Variants in ST6GALNAC3 observed in about 807,000 individuals in gnomAD.
ST6GALNAC3 encodes the protein alpha-N-acetylgalactosaminide alpha-2,6-sialyltransferase 3.
Under a neutral mutation model 32.7 loss-of-function variants are expected in ST6GALNAC3, and 25 were observed. That is an observed-to-expected ratio of 0.76 (90% CI 0.56 to 1.07). The LOEUF (loss-of-function observed/expected upper bound fraction) is 1.07. ST6GALNAC3 is among the 50% of genes least tolerant of loss of function. The pLI is 0.00. For synonymous variants in ST6GALNAC3, 129 were observed against 133.1 expected (o/e 0.97, Z 0.21); for missense variants, 355 against 382.4 (o/e 0.93, Z 0.60).
intron 2 of ST6GALNAC3, among the ~76,000 whole-genome samples, chr1:76,395,239 GT>G (rs1238677535): frequency 6.6e-6 from 1 of 152,136 alleles, no homozygotes; most frequent in African/African-American, 2.4e-5. Context: ...TAAGTGCCAT[GT>G]AATCAAACTG....
rs2101752420 is a variant in ST6GALNAC3 at position 76,509,874 on chromosome 1, A to C, written c.623+97457A>C. On this transcript the variant is annotated intron_variant, in intron 3 of 4. Coordinates refer to ENST00000328299, the MANE Select transcript of ST6GALNAC3 (RefSeq NM_152996.4). The surrounding 1 kb of genome is among the most constrained non-coding windows in gnomAD (Gnocchi z 5.5). ...GGGCCAGAATAATCCTTCAAATTCA[A>C]GATCCTTAATTTAATTGCACCTATG... Among the ~76,000 whole-genome samples, 1 of 152,324 alleles carries C rather than the reference A, an allele frequency of 6.6e-6. No individual in the cohort carries two copies. The highest frequency in any genetic ancestry group is 1.9e-4 in the East Asian group (1 of 5,184).
At chr1:76,241,136 T>G (rs1656937486) in intron 1 of ST6GALNAC3, among the ~76,000 whole-genome samples, 4 of 152,232 alleles carry the variant, frequency 2.6e-5, no homozygotes, top group Admixed American at 6.5e-5. Flanking sequence ...AATTTTAAAT[T>G]TGTAGAGTCT....
chr1:76,564,189 A>G (rs1375749980), intron 3 of ST6GALNAC3, among the ~76,000 whole-genome samples: 2 of 152,354 alleles, frequency 1.3e-5, no homozygotes, highest in Middle Eastern at 3.4e-3. Context: ...AACACAAAGC[A>G]GGTGAAGCTT....
chr1:76,268,365 C>T (rs553934381), intron 1 of ST6GALNAC3, among the ~76,000 whole-genome samples: 3 of 152,264 alleles, frequency 2.0e-5, no homozygotes, highest in Admixed American at 1.3e-4. Flanking sequence ...ATGCTTGATG[C>T]AGATTTAAGA....
intron 3 of ST6GALNAC3, among the ~76,000 whole-genome samples, chr1:76,533,684 T>C (rs926625424): frequency 4.6e-5 from 7 of 152,046 alleles, no homozygotes; most frequent in African/African-American, 1.7e-4. Flanking sequence ...TTCCCATTCC[T>C]CTCTCAGCCT....
intron 1 of ST6GALNAC3, among the ~76,000 whole-genome samples, chr1:76,205,778 G>A (rs1168942518): frequency 2.0e-5 from 3 of 152,168 alleles, no homozygotes; most frequent in African/African-American, 7.2e-5. Flanking sequence ...AATTGAGAAT[G>A]AATACCTGGC....
chr1:76,269,385 C>T (rs1240232886), intron 1 of ST6GALNAC3, among the ~76,000 whole-genome samples: 9 of 152,210 alleles, frequency 5.9e-5, no homozygotes, highest in Admixed American at 5.2e-4. Flanking sequence ...GAGGGCAGGG[C>T]TTATCTCTGC....
chr1:76,127,919 A>T (rs1370604781), intron 1 of ST6GALNAC3, among the ~76,000 whole-genome samples: 1 of 151,984 alleles, frequency 6.6e-6, no homozygotes, highest in East Asian at 1.9e-4. Flanking sequence ...GCCCTGCATG[A>T]CCCAGCTTCA....
intron 3 of ST6GALNAC3, among the ~76,000 whole-genome samples, chr1:76,544,734 G>A (rs1664188065): frequency 6.6e-6 from 1 of 152,084 alleles, no homozygotes; most frequent in East Asian, 1.9e-4. Flanking sequence ...GATTAGAGGA[G>A]GATTCTGACG....
chr1:76,323,035 A>C (rs1234807239), intron 2 of ST6GALNAC3, among the ~76,000 whole-genome samples: 2 of 152,104 alleles, frequency 1.3e-5, no homozygotes, highest in African/African-American at 2.4e-5. Flanking sequence ...TACAAAAATT[A>C]CCTCTAGAAA....
At chr1:76,486,326 T>G (rs1396325975) in intron 3 of ST6GALNAC3, among the ~76,000 whole-genome samples, 1 of 152,164 alleles carries the variant, frequency 6.6e-6, no homozygotes, top group Non-Finnish European at 1.5e-5. Flanking sequence ...CAGTGGGGTG[T>G]TAAAGTCTCC....
intron 3 of ST6GALNAC3, among the ~76,000 whole-genome samples, chr1:76,413,681 G>A (rs908751326): frequency 1.3e-5 from 2 of 152,120 alleles, no homozygotes; most frequent in East Asian, 3.9e-4. Flanking sequence ...TGAAATACTA[G>A]TTCCTCGGAC....
chr1:76,340,805 C>T lies in ST6GALNAC3; in HGVS notation c.213+26806C>T, dbSNP rs138808120. Among the ~76,000 whole-genome samples the T allele has an allele frequency of 6.0e-3, 919 of 152,036 alleles. 3 individuals are homozygous for T. The highest frequency in any genetic ancestry group is 0.021 in the African/African-American group (872 of 41,478). The stretch of plus-strand genomic sequence containing the variant: ...GCTGGGGTGGGGATTAGAGAAGACA[C>T]CTCTCAGAATCTAGAGCTGGCCCAT... On this transcript the variant is annotated intron_variant, in intron 2 of 4. Coordinates refer to ENST00000328299, the MANE Select transcript of ST6GALNAC3 (RefSeq NM_152996.4).
rs545502244 is a variant in ST6GALNAC3, at chr1:76,399,055, T to C, written c.214-12953T>C. Among the ~76,000 whole-genome samples, 160 of 152,310 alleles carry C rather than the reference T, an allele frequency of 1.1e-3. 1 individual carries two copies. Among genetic ancestry groups the C allele is most frequent in the African/African-American group, 3.8e-3 (156 of 41,570 alleles). On this transcript the variant is annotated intron_variant, in intron 2 of 4. Transcript: ENST00000328299. ...AATAATTGCATCTTATGCCAATTTT[T>C]TATTGTTTTGGCTGATTTTATTATC...
intron 3 of ST6GALNAC3, among the ~76,000 whole-genome samples, chr1:76,559,927 T>G (rs915536328): frequency 2.0e-5 from 3 of 151,914 alleles, no homozygotes; most frequent in Admixed American, 1.3e-4. Context: ...CTCCCAAAGG[T>G]CAAGGATAGC....
chr1:76,577,752 G>C (rs1043230135), intron 3 of ST6GALNAC3, among the ~76,000 whole-genome samples: 7 of 151,984 alleles, frequency 4.6e-5, no homozygotes, highest in South Asian at 2.1e-4. Context: ...CGGCAGAATT[G>C]TATTAATGGA....
At chr1:76,314,147 ATTCTT>A in intron 2 of ST6GALNAC3, 148 bp downstream of exon 2, 2 of 649,964 alleles carry the variant, frequency 3.1e-6, no homozygotes, top group Non-Finnish European at 5.0e-6. Flanking sequence ...CTGTCTTATT[ATTCTT>A]AGACATTTAC....
chr1:76,293,823 T>C (rs141595110), intron 1 of ST6GALNAC3, among the ~76,000 whole-genome samples: 309 of 152,286 alleles, frequency 2.0e-3, no homozygotes, highest in African/African-American at 7.2e-3. Context: ...TATATTGATG[T>C]TGCGAAAGAA....
chr1:76,199,232 A>G (rs544010), intron 1 of ST6GALNAC3, among the ~76,000 whole-genome samples: 20,988 of 152,232 alleles, frequency 0.14, 1,681 homozygotes, highest in Non-Finnish European at 0.18. Context: ...TATAACCCAA[A>G]TAGAAGCTCT....
Sources: allele counts gnomAD v4.1 joint callset (sites outside exome capture counted in the v4.1 genomes callset), GRCh38; gene constraint gnomAD v4.1.1; non-coding constraint Gnocchi (gnomAD v3.1); transcripts MANE v1.5; gene names NCBI Gene and HGNC (gene_info 2026-07-23, HGNC 2026-07-21).